ADK: variants seen among roughly 807,000 people sequenced by gnomAD.
ADK encodes the protein N6,N6-dimethyladenosine kinase.
Under a neutral mutation model 44.7 loss-of-function variants are expected in ADK, and 24 were observed. The observed-to-expected ratio is 0.54, with a 90% CI of 0.39 to 0.76. The LOEUF is 0.76. Among genes scored for constraint, ADK ranks in the 30% least tolerant of loss-of-function variants. ADK has a pLI of 0.00. For synonymous variants in ADK, 128 were observed against 142.6 expected (o/e 0.90, Z 0.73); for missense variants, 321 against 425.1 (o/e 0.76, Z 2.15).
intron 6 of ADK, among the ~76,000 whole-genome samples, chr10:74,413,261 T>C (rs1171476746): frequency 4.6e-5 from 7 of 152,184 alleles, no homozygotes; most frequent in Non-Finnish European, 1.0e-4. Context: ...GTCCTATCCT[T>C]TGAAGCTTCG....
intron 6 of ADK, among the ~76,000 whole-genome samples, chr10:74,519,646 C>T (rs1452432865): frequency 1.3e-5 from 2 of 151,922 alleles, no homozygotes; most frequent in Admixed American, 6.6e-5. Flanking sequence ...ATCAACCCTT[C>T]TTCATCATTG....
chr10:74,576,422 G>C (rs1450425672), intron 7 of ADK, among the ~76,000 whole-genome samples: 1 of 152,018 alleles, frequency 6.6e-6, no homozygotes, highest in Non-Finnish European at 1.5e-5. Flanking sequence ...GAGATGCTAA[G>C]AAATTTTGGA....
At chr10:74,162,938 A>G (rs2132039930) in intron 1 of ADK, among the ~76,000 whole-genome samples, 1 of 152,096 alleles carries the variant, frequency 6.6e-6, no homozygotes, top group East Asian at 1.9e-4. Flanking sequence ...CCCTCAGAAT[A>G]AATACACTTC....
intron 6 of ADK, among the ~76,000 whole-genome samples, chr10:74,420,162 A>G (rs1477420285): frequency 6.6e-6 from 1 of 152,174 alleles, no homozygotes; most frequent in African/African-American, 2.4e-5. Flanking sequence ...CTTTTGGGAC[A>G]TGATTCTCAC....
intron 9 of ADK, among the ~76,000 whole-genome samples, chr10:74,654,409 G>T (rs1854400654): frequency 6.6e-6 from 1 of 152,168 alleles, no homozygotes; most frequent in Non-Finnish European, 1.5e-5. Context: ...TTATAAAGAA[G>T]AATCATATAC....
chr10:74,361,671 A>G (rs1461609862), intron 4 of ADK, among the ~76,000 whole-genome samples: 1 of 152,218 alleles, frequency 6.6e-6, no homozygotes, highest in Non-Finnish European at 1.5e-5. Context: ...CTGCAAATAC[A>G]ATATTAATAT....
At position 74,394,423 on chromosome 10, in the gene ADK, T is replaced by C. The variant is rs911230622; in HGVS notation, c.446+110T>C. 3.7e-5 allele frequency: 39 copies of C among 1,040,824 alleles called. 1 individual carries two copies. The highest frequency in any genetic ancestry group is 3.1e-4 in the South Asian group (23 of 75,230). 64.5% of individuals were successfully genotyped at this position (1,040,824 alleles called of 1,614,324 possible). A position where few individuals can be genotyped will look rare whatever the true frequency, so the allele number is the denominator to read the frequency against. ...TTGACTTTATAATTCCTTTTAATGT[T>C]TGATAAATGCTTATTCCTTATATCA... On this transcript the variant is annotated intron_variant, in intron 5 of 10. Transcript: ENST00000539909.
At chr10:74,532,397 G>A (rs1194801477) in intron 7 of ADK, among the ~76,000 whole-genome samples, 3 of 147,184 alleles carry the variant, frequency 2.0e-5, no homozygotes, top group Non-Finnish European at 3.0e-5. Context: ...AGAATCGCTT[G>A]AACTGGGGAG....
intron 10 of ADK, among the ~76,000 whole-genome samples, chr10:74,685,315 G>A (rs777880561): frequency 5.3e-5 from 8 of 152,080 alleles, no homozygotes; most frequent in African/African-American, 9.7e-5. Context: ...CTACTGCCTC[G>A]GCCTGTCTAA....
rs150100950 is a variant in ADK at position 74,620,094 on chromosome 10, A to G, written c.877+19601A>G. On this transcript the variant is annotated intron_variant, in intron 9 of 10. Transcript: ENST00000539909. ...AATTAGCATATCCATCATCTCAAAC[A>G]TTTATCATTTCTTTGTATTGTGAAC... Among the ~76,000 whole-genome samples, 648 of 152,254 alleles carry G rather than the reference A, an allele frequency of 4.3e-3. 2 individuals are homozygous for G. The highest frequency in any genetic ancestry group is 0.014 in the African/African-American group (575 of 41,560).
intron 9 of ADK, among the ~76,000 whole-genome samples, chr10:74,605,185 G>T (rs140516856): frequency 3.6e-4 from 55 of 152,324 alleles, no homozygotes; most frequent in Middle Eastern, 3.4e-3. Context: ...CATGTCATCT[G>T]CAGACAGAGA....
intron 9 of ADK, among the ~76,000 whole-genome samples, chr10:74,664,754 A>G (rs897645452): frequency 6.6e-6 from 1 of 152,168 alleles, no homozygotes; most frequent in Non-Finnish European, 1.5e-5. Context: ...GAGGAAGGAT[A>G]TCGCTTGAAC....
intron 6 of ADK, among the ~76,000 whole-genome samples, chr10:74,502,616 A>G (rs1203291333): frequency 1.3e-5 from 2 of 152,176 alleles, no homozygotes; most frequent in East Asian, 3.8e-4. Flanking sequence ...AATAGACGAA[A>G]GCACTCACAT....
chr10:74,699,911 T>G (rs7086415), intron 10 of ADK, among the ~76,000 whole-genome samples: 3 of 152,140 alleles, frequency 2.0e-5, no homozygotes, highest in Middle Eastern at 6.8e-3. Context: ...TGTGGGGAAA[T>G]GGGCACTCTT....
intron 9 of ADK, among the ~76,000 whole-genome samples, chr10:74,630,974 C>G (rs1211685913): frequency 1.3e-5 from 2 of 151,762 alleles, no homozygotes; most frequent in Non-Finnish European, 2.9e-5. Context: ...ATATTACTAT[C>G]ACTATTTATT....
intron 7 of ADK, among the ~76,000 whole-genome samples, chr10:74,555,824 C>A (rs1029860377): frequency 2.2e-4 from 34 of 152,082 alleles, no homozygotes; most frequent in Admixed American, 2.0e-3. Context: ...AGAGATTTCC[C>A]CCCATGTAAT....
chr10:74,393,127 T>C (rs1032698502), intron 4 of ADK, among the ~76,000 whole-genome samples: 5 of 152,178 alleles, frequency 3.3e-5, no homozygotes, highest in African/African-American at 1.2e-4. Flanking sequence ...TTGTTACTTT[T>C]TCCTCTCCTC....
intron 6 of ADK, among the ~76,000 whole-genome samples, chr10:74,444,830 C>A (rs1845541267): frequency 6.6e-6 from 1 of 151,664 alleles, no homozygotes; most frequent in African/African-American, 2.4e-5. Context: ...CATAATGGTT[C>A]ATTTGTCTGA....
intron 3 of ADK, among the ~76,000 whole-genome samples, chr10:74,302,137 T>TTTTTTTTTG (rs1840078287): frequency 9.6e-6 from 1 of 103,822 alleles, no homozygotes; most frequent in African/African-American, 3.7e-5. Context: ...TTTTTTTTTT[T>TTTTTTTTTG]TTTTTTTTTG....
Sources: gnomAD v4.1 joint callset for allele counts (sites outside exome capture counted in the v4.1 genomes callset) on GRCh38, gnomAD v4.1.1 for gene constraint, MANE v1.5 for transcripts, NCBI Gene and HGNC (gene_info 2026-07-23, HGNC 2026-07-21) for gene names.